The following PTPRC variants were observed in gnomAD, a reference collection of about 807,000 sequenced individuals.
PTPRC encodes protein tyrosine phosphatase receptor type C, also known as receptor-type tyrosine-protein phosphatase C.
A neutral mutation model predicts 155.9 loss-of-function variants in PTPRC; 44 were observed. The observed-to-expected ratio is 0.28, with a 90% CI of 0.22 to 0.36. The LOEUF (loss-of-function observed/expected upper bound fraction) is 0.36. Ranked by LOEUF, PTPRC falls within the 10% of genes least tolerant of loss-of-function variation. PTPRC has a pLI of 1.00. For synonymous variants in PTPRC, 525 were observed against 533.1 expected, an observed-to-expected ratio of 0.98 and a Z score of 0.21; for missense variants, 1,401 against 1,564.6, an observed-to-expected ratio of 0.90 and a Z score of 1.76.
chr1:198,651,429 T>G (rs1002289711), intron 2 of PTPRC, among the ~76,000 whole-genome samples: 2 of 151,720 alleles, frequency 1.3e-5, no homozygotes, highest in African/African-American at 2.4e-5. Context: ...AGGTAGAATC[T>G]AATATCGTGA....
At chr1:198,680,189 T>C (rs1387586707) in intron 2 of PTPRC, among the ~76,000 whole-genome samples, 1 of 152,202 alleles carries the variant, frequency 6.6e-6, no homozygotes, top group Non-Finnish European at 1.5e-5. Context: ...TCACAAACTG[T>C]CTTGTTTAAT....
At position 198,756,210 on chromosome 1, in the gene PTPRC, C is replaced by T; in HGVS notation, c.*29C>T. On this transcript the variant is annotated 3_prime_UTR_variant, in exon 33 of 33. Coordinates refer to ENST00000442510, the MANE Select transcript of PTPRC (RefSeq NM_002838.5). ...AAGACATAAATGAGGAAACTCCAAACCTCCTGTTAGCTGTTATTTCTATTT... is the reference window on the plus strand; with the variant it reads ...AAGACATAAATGAGGAAACTCCAAATCTCCTGTTAGCTGTTATTTCTATTT... The T allele has an allele frequency of 6.2e-7, 1 of 1,611,718 alleles. No homozygotes were observed. Among genetic ancestry groups the T allele is most frequent in the Non-Finnish European group, 8.5e-7 (1 of 1,178,668 alleles).
chr1:198,744,319 C>G, intron 26 of PTPRC, 116 bp downstream of exon 26: 2 of 1,052,830 alleles, frequency 1.9e-6, no homozygotes, highest in Non-Finnish European at 2.8e-6. Context: ...TTCACCAGAA[C>G]CAAAGGAGCA....
intron 2 of PTPRC, among the ~76,000 whole-genome samples, chr1:198,681,583 A>G (rs1316248878): frequency 6.6e-6 from 1 of 152,150 alleles, no homozygotes; most frequent in African/African-American, 2.4e-5. Context: ...TGTGAGTTCT[A>G]TTTACAAATA....
At position 198,641,431 on chromosome 1, in the gene PTPRC, G is replaced by C. The variant is rs539907948; in HGVS notation, c.73+2090G>C. On this transcript the variant is annotated intron_variant, in intron 2 of 32. Transcript: ENST00000442510. ...AAAATTTATATTGTATGCTGTAAAG[G>C]CATAAAGAAATAGAGCCAAATGTAG... 7.9e-5 allele frequency among the ~76,000 whole-genome samples: 12 copies of C among 152,040 alleles called. No homozygotes were observed. The South Asian group carries it at 2.1e-3, about 26-fold the overall frequency.
chr1:198,658,096 A>C (rs565761011), intron 2 of PTPRC, among the ~76,000 whole-genome samples: 1 of 152,178 alleles, frequency 6.6e-6, no homozygotes, highest in East Asian at 1.9e-4. Context: ...TCATTGGAAT[A>C]CCCTTCCTTA....
intron 2 of PTPRC, among the ~76,000 whole-genome samples, chr1:198,685,207 C>A (rs12077321): frequency 0.017 from 2,541 of 151,926 alleles, 67 homozygotes; most frequent in African/African-American, 0.058. Flanking sequence ...TTTAACATAA[C>A]GTCTACATAA....
intron 2 of PTPRC, among the ~76,000 whole-genome samples, chr1:198,659,367 T>G (rs530311506): frequency 1.3e-5 from 2 of 152,136 alleles, no homozygotes; most frequent in South Asian, 2.1e-4. Context: ...GAAGACAAAT[T>G]TGTGGAAAAG....
intron 2 of PTPRC, among the ~76,000 whole-genome samples, chr1:198,639,817 T>G (rs1662473858): frequency 6.6e-6 from 1 of 152,076 alleles, no homozygotes; most frequent in Non-Finnish European, 1.5e-5. Context: ...AATTTTGAAT[T>G]TAATTGACAT....
chr1:198,672,744 A>T (rs559099972), intron 2 of PTPRC, among the ~76,000 whole-genome samples: 1 of 151,520 alleles, frequency 6.6e-6, no homozygotes, highest in Non-Finnish European at 1.5e-5. Flanking sequence ...AATCTTGGCT[A>T]CCCAAAGTGC....
intron 15 of PTPRC, 76 bp from the exon 16 acceptor site, chr1:198,728,264 T>G: frequency 8.9e-7 from 1 of 1,126,894 alleles, no homozygotes; most frequent in Non-Finnish European, 1.3e-6. Flanking sequence ...ATATAAATAC[T>G]TTGGAGGTGA....
At chr1:198,668,277 C>A (rs1664438172) in intron 2 of PTPRC, among the ~76,000 whole-genome samples, 1 of 152,090 alleles carries the variant, frequency 6.6e-6, no homozygotes, top group Non-Finnish European at 1.5e-5. Flanking sequence ...AACTCCTGAG[C>A]TCCTGTGATT....
At chr1:198,696,242 T>C (rs1666198783) in intron 3 of PTPRC, among the ~76,000 whole-genome samples, 1 of 150,338 alleles carries the variant, frequency 6.7e-6, no homozygotes, top group Non-Finnish European at 1.5e-5. Context: ...AAGTTTTGTC[T>C]TTTTTTTCCC....
At chr1:198,743,973 G>A in intron 25 of PTPRC, 81 bp from the exon 26 acceptor site, 1 of 1,347,708 alleles carries the variant, frequency 7.4e-7, no homozygotes, top group Admixed American at 1.8e-5. Context: ...AAATTTATGG[G>A]GAATGTATAT....
chr1:198,732,660 C>T (rs1654449615), intron 20 of PTPRC, 104 bp downstream of exon 20: 1 of 901,746 alleles, frequency 1.1e-6, no homozygotes, highest in Non-Finnish European at 1.7e-6. Context: ...TTGAAGTGAG[C>T]CCATATGTCA....
chr1:198,707,051 C>A, intron 9 of PTPRC, 99 bp downstream of exon 9: 2 of 1,005,524 alleles, frequency 2.0e-6, no homozygotes, highest in Admixed American at 4.0e-5. Context: ...GGTGAGAGAA[C>A]AGGGCTGAGG....
intron 2 of PTPRC, among the ~76,000 whole-genome samples, chr1:198,664,634 A>G (rs1557978656): frequency 6.6e-6 from 1 of 152,198 alleles, no homozygotes; most frequent in East Asian, 1.9e-4. Flanking sequence ...GGAAAACTCT[A>G]ACCGAAATAT....
intron 23 of PTPRC, among the ~76,000 whole-genome samples, chr1:198,740,508 G>C (rs1193859317): frequency 6.6e-6 from 1 of 151,860 alleles, no homozygotes; most frequent in African/African-American, 2.4e-5. Context: ...CTTGAACCTG[G>C]GAAGCCGAGG....
chr1:198,739,248 G>A (rs750525918), intron 23 of PTPRC, among the ~76,000 whole-genome samples: 3 of 149,790 alleles, frequency 2.0e-5, no homozygotes, highest in South Asian at 2.1e-4. Flanking sequence ...TTGAATATCA[G>A]TAGACTAAAC....
Sources: allele counts gnomAD v4.1 joint callset (sites outside exome capture counted in the v4.1 genomes callset), GRCh38; gene constraint gnomAD v4.1.1; transcripts MANE v1.5; gene names NCBI Gene and HGNC (gene_info 2026-07-23, HGNC 2026-07-21).